Variants in RBM19 observed in about 807,000 individuals in gnomAD.
RBM19 encodes the protein RNA binding motif protein 19, also known as probable RNA-binding protein 19.
In RBM19, 94 loss-of-function variants were observed where a neutral mutation model predicts 116.8. The observed-to-expected ratio is 0.80, with a 90% confidence interval of 0.68 to 0.95. The LOEUF (loss-of-function observed/expected upper bound fraction) is 0.95. Among genes scored for constraint, RBM19 ranks in the 40% least tolerant of loss-of-function variants. RBM19 has a pLI of 0.00. For synonymous variants in RBM19, 475 were observed against 494.1 expected (o/e 0.96, Z 0.51); for missense variants, 1,161 against 1,220.7 (o/e 0.95, Z 0.73).
At chr12:113,943,505 T>A (rs1045682262) in intron 13 of RBM19, among the ~76,000 whole-genome samples, 2 of 151,384 alleles carry the variant, frequency 1.3e-5, no homozygotes, top group Non-Finnish European at 3.0e-5. Flanking sequence ...TTTTTTTTTT[T>A]AACATTGTGC....
chr12:113,947,307 C>T, intron 11 of RBM19, 27 bp downstream of exon 11: 2 of 1,566,116 alleles, frequency 1.3e-6, no homozygotes, highest in Non-Finnish European at 1.7e-6. Flanking sequence ...CCCACAGCCT[C>T]CTGGCCAGCC....
chr12:113,859,192 G>C (rs903974115), intron 21 of RBM19, among the ~76,000 whole-genome samples: 1 of 152,198 alleles, frequency 6.6e-6, no homozygotes, highest in Non-Finnish European at 1.5e-5. Context: ...ACTTCCCTGT[G>C]GGGTAACTAT....
At chr12:113,826,925 A>T (rs2135682441) in intron 23 of RBM19, among the ~76,000 whole-genome samples, 1 of 152,236 alleles carries the variant, frequency 6.6e-6, no homozygotes, top group Middle Eastern at 3.4e-3. Context: ...CTATGTACTC[A>T]TGTATCATAA....
In RBM19 at chr12:113,825,713, TCTA is replaced by T. The variant is rs1309161521; in HGVS notation, c.2786-2395_2786-2393del. Among the ~76,000 whole-genome samples the T allele has an allele frequency of 7.9e-3, 1,201 of 152,226 alleles. 22 individuals are homozygous for T. The highest frequency in any genetic ancestry group is 0.028 in the African/African-American group (1,160 of 41,530). ...TTGGAGGGACTGGCGAGGGGCGAGT[TCTA>T]GCCCCATCCATTGTGTCGGCTCAAC... On this transcript the variant is annotated intron_variant, in intron 23 of 23. Coordinates refer to ENST00000261741, the MANE Select transcript of RBM19 (RefSeq NM_016196.4). This position sits in a 1 kb window ranked among gnomAD's most constrained non-coding sequence, Gnocchi z 5.7.
chr12:113,896,272 G>A (rs1003386541), intron 21 of RBM19, among the ~76,000 whole-genome samples: 1 of 152,194 alleles, frequency 6.6e-6, no homozygotes, highest in Non-Finnish European at 1.5e-5. Flanking sequence ...CCTGTAATGT[G>A]CTTTGTTCGC....
chr12:113,872,432 G>T, intron 21 of RBM19, among the ~76,000 whole-genome samples: 1 of 147,734 alleles, frequency 6.8e-6, no homozygotes, highest in South Asian at 2.2e-4. Flanking sequence ...CGCCCCGTCT[G>T]GGAGGTGAGG....
chr12:113,865,391 C>T (rs943113023), intron 21 of RBM19, among the ~76,000 whole-genome samples: 2 of 152,186 alleles, frequency 1.3e-5, no homozygotes, highest in Non-Finnish European at 2.9e-5. Flanking sequence ...CACACCCACC[C>T]CTGCCTGTCA....
chr12:113,874,715 G>A (rs1879536032), intron 21 of RBM19, among the ~76,000 whole-genome samples: 1 of 152,332 alleles, frequency 6.6e-6, no homozygotes, highest in South Asian at 2.1e-4. Context: ...AGGGAAGGCG[G>A]CTTCTGAAGA....
At chr12:113,892,461 C>T (rs992706168) in intron 21 of RBM19, among the ~76,000 whole-genome samples, 15 of 152,116 alleles carry the variant, frequency 9.9e-5, no homozygotes, top group African/African-American at 3.1e-4. Context: ...GAATGAGATT[C>T]GTTTTATAAT....
At chr12:113,819,253 T>C (rs1012885642), downstream of RBM19, among the ~76,000 whole-genome samples, 1 of 152,164 alleles carries the variant, frequency 6.6e-6, no homozygotes, top group African/African-American at 2.4e-5. Flanking sequence ...ACAGGCCTCA[T>C]CCAGATGTGT....
At chr12:113,959,975 T>A in intron 3 of RBM19, 72 bp from the exon 4 acceptor site, 12 of 1,613,436 alleles carry the variant, frequency 7.4e-6, no homozygotes, top group Non-Finnish European at 1.0e-5. Flanking sequence ...TGCACTGACC[T>A]GGGAGGGCCC....
intron 21 of RBM19, among the ~76,000 whole-genome samples, chr12:113,860,762 G>C (rs1438598407): frequency 6.6e-6 from 1 of 152,156 alleles, no homozygotes; most frequent in Non-Finnish European, 1.5e-5. Context: ...CCAGGGCTCT[G>C]TGGGGTGCAT....
chr12:113,823,199 A>G lies in RBM19; in HGVS notation c.*25T>C. 1 of 1,599,200 alleles carries G rather than the reference A, an allele frequency of 6.3e-7. No homozygotes were observed. Among genetic ancestry groups the G allele is most frequent in the South Asian group, 1.1e-5 (1 of 90,868 alleles). ...GCTGTCCCGGTCCCCAGGGCCCCGG[A>G]GCCACACACCCTCTCGGTGCCAGCT... On this transcript the variant is annotated 3_prime_UTR_variant, in exon 24 of 24. Coordinates refer to ENST00000261741, the MANE Select transcript of RBM19 (RefSeq NM_016196.4).
intron 17 of RBM19, 40 bp from the exon 18 acceptor site, chr12:113,924,797 C>G (rs778843105): frequency 6.6e-7 from 1 of 1,503,808 alleles, no homozygotes; most frequent in East Asian, 2.3e-5. Flanking sequence ...CAGCTCTAAA[C>G]CACTATGCAG....
At chr12:113,845,245 C>A (rs1317370240) in intron 22 of RBM19, among the ~76,000 whole-genome samples, 1 of 151,808 alleles carries the variant, frequency 6.6e-6, no homozygotes, top group East Asian at 1.9e-4. Flanking sequence ...CTGTCCCCCA[C>A]GCTGCTCTTG....
At chr12:113,965,815 G>A (rs1241884928) in intron 1 of RBM19, among the ~76,000 whole-genome samples, 1 of 152,314 alleles carries the variant, frequency 6.6e-6, no homozygotes, top group Non-Finnish European at 1.5e-5. Context: ...TTCCCCAACA[G>A]TTTCCAGACT....
intron 23 of RBM19, among the ~76,000 whole-genome samples, chr12:113,836,168 C>T (rs1010621716): frequency 9.2e-5 from 14 of 152,202 alleles, no homozygotes; most frequent in African/African-American, 1.9e-4. Context: ...TCACCTACCA[C>T]GGGGCTGCTG....
Position 113,946,464 on chromosome 12 carries a change from G to C in RBM19, c.1419C>G (p.Leu473=), listed in dbSNP as rs779825626. The change falls in exon 12 of 24, where the codon CTC becomes CTG. Residue 473 remains leucine (L), a synonymous_variant. Transcript: ENST00000261741. ...VDGQVFQGRM[L]HVLPSTIKKE... is the part of the protein sequence containing the mutation. ...TCTTGATGGTAGATGGTAACACGTGGAGCATCCTGCCCTGGATGGGAATGA... is the reference window on the plus strand; with the variant it reads ...TCTTGATGGTAGATGGTAACACGTGCAGCATCCTGCCCTGGATGGGAATGA... The C allele has an allele frequency of 1.9e-6, 3 of 1,614,154 alleles. No individual in the cohort carries two copies. Among genetic ancestry groups the C allele is most frequent in the South Asian group, 2.2e-5 (2 of 91,076 alleles).
intron 14 of RBM19, among the ~76,000 whole-genome samples, chr12:113,941,984 CCT>C (rs1870613711): frequency 6.6e-6 from 1 of 152,102 alleles, no homozygotes; most frequent in African/African-American, 2.4e-5. Context: ...TGGACTCTTC[CCT>C]GCTAGGTTCA....
Sources: gnomAD v4.1 joint callset for allele counts (sites outside exome capture counted in the v4.1 genomes callset) on GRCh38, gnomAD v4.1.1 for gene constraint, Gnocchi (gnomAD v3.1) non-coding constraint, MANE v1.5 for transcripts, NCBI Gene and HGNC (gene_info 2026-07-23, HGNC 2026-07-21) for gene names.